Variants in AMBRA1 observed in about 807,000 individuals in gnomAD.
The protein encoded by AMBRA1 is autophagy and beclin 1 regulator 1, also known as activating molecule in BECN1-regulated autophagy protein 1.
A neutral mutation model predicts 125.4 loss-of-function variants in AMBRA1; 47 were observed. That is an observed-to-expected ratio of 0.37 (90% confidence interval 0.30 to 0.48). AMBRA1 has a LOEUF of 0.48. AMBRA1 is among the 20% of genes least tolerant of loss of function. The pLI is 0.99. For missense variants in AMBRA1, 1,331 were observed against 1,693.4 expected (o/e 0.79, Z 3.76); for synonymous variants, 626 against 655.5 (o/e 0.95, Z 0.69).
Position 46,433,623 on chromosome 11 carries a change from T to C in AMBRA1, c.2827A>G (p.Asn943Asp). The C allele has an allele frequency of 6.2e-7, 1 of 1,613,688 alleles. No homozygotes were observed. Among genetic ancestry groups the C allele is most frequent in the Non-Finnish European group, 8.5e-7 (1 of 1,179,686 alleles). Residue 943 changes from asparagine to aspartate, a missense_variant, in exon 14 of 18, where the codon AAT becomes GAT. Asn to Asp is a conservative substitution (Grantham distance 23). Transcript: ENST00000683756. ...EMLYTKRFGP[N>D]AISVSLSPMG... ...GGGGACAGGCTCACCGAAATGGCAT[T>C]GGGACCTGAGGGCCAACAAAACAGA...
chr11:46,555,638 G>C (rs2043137884), intron 1 of AMBRA1, among the ~76,000 whole-genome samples: 1 of 152,158 alleles, frequency 6.6e-6, no homozygotes, highest in Non-Finnish European at 1.5e-5. Flanking sequence ...GCTGTTACCA[G>C]AAAACAAAGT....
intron 11 of AMBRA1, among the ~76,000 whole-genome samples, chr11:46,492,724 G>A (rs1209069756): frequency 6.6e-6 from 1 of 152,104 alleles, no homozygotes; most frequent in Non-Finnish European, 1.5e-5. Context: ...CCTCACAGCC[G>A]AAAAACATCT....
intron 17 of AMBRA1, among the ~76,000 whole-genome samples, chr11:46,401,613 G>C (rs557765096): frequency 6.6e-6 from 1 of 152,330 alleles, no homozygotes; most frequent in East Asian, 1.9e-4. Context: ...CAAGCCCCCA[G>C]AGAGCCCCGG....
intron 1 of AMBRA1, among the ~76,000 whole-genome samples, chr11:46,579,469 AAATT>A (rs1432812868): frequency 6.6e-6 from 1 of 152,180 alleles, no homozygotes; most frequent in Non-Finnish European, 1.5e-5. Flanking sequence ...ATAAATAAAT[AAATT>A]AAGTAAGTAA....
intron 1 of AMBRA1, among the ~76,000 whole-genome samples, chr11:46,558,816 T>C (rs2043239399): frequency 6.6e-6 from 1 of 152,154 alleles, no homozygotes; most frequent in South Asian, 2.1e-4. Context: ...ATGTCTGTCA[T>C]AGTCCCAGTA....
chr11:46,434,335 C>T (rs540722236), intron 13 of AMBRA1, among the ~76,000 whole-genome samples: 1 of 150,804 alleles, frequency 6.6e-6, no homozygotes, highest in Non-Finnish European at 1.5e-5. Flanking sequence ...AAAAAAAAAA[C>T]AAAAAACACT....
At chr11:46,505,690 G>A (rs924116386) in intron 9 of AMBRA1, among the ~76,000 whole-genome samples, 8 of 146,686 alleles carry the variant, frequency 5.5e-5, no homozygotes, top group African/African-American at 1.8e-4. Flanking sequence ...GGGGGAGAGC[G>A]CACAGGTGGG....
intron 4 of AMBRA1, chr11:46,546,010 G>A: frequency 2.4e-6 from 1 of 413,974 alleles, no homozygotes; most frequent in Non-Finnish European, 4.4e-6. Context: ...CAAGCATTAA[G>A]CATATATACA....
chr11:46,419,834 G>A (rs140502323), intron 14 of AMBRA1, among the ~76,000 whole-genome samples: 2,277 of 152,108 alleles, frequency 0.015, 28 homozygotes, highest in Non-Finnish European at 0.022. Context: ...AGGCAGGGAG[G>A]GATGATTGAG....
intron 11 of AMBRA1, among the ~76,000 whole-genome samples, chr11:46,470,277 C>T (rs750394092): frequency 6.6e-6 from 1 of 151,894 alleles, no homozygotes; most frequent in Non-Finnish European, 1.5e-5. Flanking sequence ...CCCATATCTA[C>T]AAAAAATTTT....
intron 8 of AMBRA1, among the ~76,000 whole-genome samples, chr11:46,511,828 G>GT (rs1414973820): frequency 6.6e-6 from 1 of 152,006 alleles, no homozygotes; most frequent in African/African-American, 2.4e-5. Context: ...CTTCTGTTTT[G>GT]TTTTTTATCT....
chr11:46,564,542 A>T (rs2043456372), intron 1 of AMBRA1, among the ~76,000 whole-genome samples: 1 of 152,134 alleles, frequency 6.6e-6, no homozygotes. Context: ...TCTAACCATT[A>T]TACAATACTG....
intron 1 of AMBRA1, among the ~76,000 whole-genome samples, chr11:46,564,021 G>A (rs1176616921): frequency 2.6e-5 from 4 of 151,522 alleles, no homozygotes; most frequent in Admixed American, 2.6e-4. Flanking sequence ...GCGCATGCCT[G>A]TAATCCCAAC....
chr11:46,520,243 A>G (rs960745624), intron 7 of AMBRA1, among the ~76,000 whole-genome samples: 3 of 152,182 alleles, frequency 2.0e-5, no homozygotes, highest in Admixed American at 1.3e-4. Context: ...AAACTGAAAA[A>G]ATTTTAATAC....
At chr11:46,576,069 C>G (rs965013343) in intron 1 of AMBRA1, among the ~76,000 whole-genome samples, 2 of 152,174 alleles carry the variant, frequency 1.3e-5, no homozygotes, top group African/African-American at 4.8e-5. Context: ...CAGATGTTGG[C>G]TTTGATCACT....
intron 14 of AMBRA1, among the ~76,000 whole-genome samples, chr11:46,422,554 T>A (rs1278083084): frequency 2.0e-5 from 3 of 152,088 alleles, no homozygotes; most frequent in Non-Finnish European, 4.4e-5. Context: ...TCTTGTTTCT[T>A]GTTCAAAGAT....
At chr11:46,585,394 A>C (rs904912531) in intron 1 of AMBRA1, among the ~76,000 whole-genome samples, 3 of 150,634 alleles carry the variant, frequency 2.0e-5, no homozygotes, top group Non-Finnish European at 4.4e-5. Context: ...AACGCTGGGC[A>C]TGGTGCCTCA....
intron 7 of AMBRA1, among the ~76,000 whole-genome samples, chr11:46,540,109 G>C (rs1011105351): frequency 6.6e-6 from 1 of 152,176 alleles, no homozygotes; most frequent in African/African-American, 2.4e-5. Flanking sequence ...TTGGATGACA[G>C]GCGTGAGCCA....
chr11:46,579,381 C>T (rs977191494), intron 1 of AMBRA1, among the ~76,000 whole-genome samples: 1 of 151,956 alleles, frequency 6.6e-6, no homozygotes, highest in Non-Finnish European at 1.5e-5. Flanking sequence ...CACTTGAACC[C>T]GGGAGGCAGA....
Sources: allele counts gnomAD v4.1 joint callset (sites outside exome capture counted in the v4.1 genomes callset), GRCh38; gene constraint gnomAD v4.1.1; transcripts MANE v1.5; gene names NCBI Gene and HGNC (gene_info 2026-07-23, HGNC 2026-07-21).